Variants in ABCC11 observed in about 807,000 individuals in gnomAD.
ABCC11 encodes ATP-binding cassette sub-family C member 11.
ABCC11 carries 135 observed loss-of-function variants against 149.3 expected under a neutral mutation model. That is an observed-to-expected ratio of 0.90 (90% CI 0.79 to 1.04). ABCC11 has a LOEUF of 1.04. Ranked by LOEUF, ABCC11 falls within the 50% of genes least tolerant of loss-of-function variation. The pLI, the probability that ABCC11 is intolerant of heterozygous loss-of-function variation, is 0.00. For missense variants in ABCC11, 1,680 were observed against 1,722.1 expected (o/e 0.98, Z 0.43); for synonymous variants, 665 against 671.4 (o/e 0.99, Z 0.15).
In ABCC11 at chr16:48,187,082, T is replaced by C; in HGVS notation, c.2942A>G (p.Lys981Arg). ...VICFIYYMMF[K>R]KAIGVFKRLE... ...TCTCTTGAACACACCGATGGCCTTC[T>C]TGAACATCCTGCATGGACAGTGGAG... Residue 981 changes from lysine to arginine, a missense_variant, in exon 22 of 30, where the codon AAG becomes AGG. Lys to Arg is a conservative substitution (Grantham distance 26). Transcript: ENST00000356608. 1.2e-6 allele frequency: 2 copies of C among 1,614,220 alleles called. No individual in the cohort carries two copies. The highest frequency in any genetic ancestry group is 8.5e-7 in the Non-Finnish European group (1 of 1,180,034).
intron 1 of ABCC11, chr16:48,244,540 C>T: frequency 6.4e-7 from 1 of 1,563,908 alleles, no homozygotes. Flanking sequence ...AAGGGCACGT[C>T]GCTGCAAAGC....
At chr16:48,169,842 C>T (rs1403377663) in intron 28 of ABCC11, among the ~76,000 whole-genome samples, 3 of 151,800 alleles carry the variant, frequency 2.0e-5, no homozygotes, top group Non-Finnish European at 2.9e-5. Context: ...GTGCAGCACA[C>T]CAACATGGCA....
chr16:48,212,939 G>A (rs1161111460), intron 10 of ABCC11, among the ~76,000 whole-genome samples: 5 of 152,110 alleles, frequency 3.3e-5, no homozygotes, highest in Admixed American at 3.3e-4. Context: ...GGTGCAATAG[G>A]GTATGGTAGA....
At chr16:48,187,738 C>T (rs1221647698) in intron 20 of ABCC11, among the ~76,000 whole-genome samples, 2 of 152,122 alleles carry the variant, frequency 1.3e-5, no homozygotes, top group Non-Finnish European at 2.9e-5. Context: ...ATATACTAAA[C>T]ACTGAAGTGT....
chr16:48,226,448 T>C (rs1441492868), intron 4 of ABCC11, among the ~76,000 whole-genome samples: 1 of 152,018 alleles, frequency 6.6e-6, no homozygotes, highest in Non-Finnish European at 1.5e-5. Flanking sequence ...GGCTAATTTT[T>C]TTGTGTTTTT....
chr16:48,174,247 C>T (rs1489560372), intron 26 of ABCC11, among the ~76,000 whole-genome samples: 1 of 152,208 alleles, frequency 6.6e-6, no homozygotes, highest in Non-Finnish European at 1.5e-5. Flanking sequence ...AATGTACATT[C>T]ATTAAACTGG....
chr16:48,203,199 C>G, intron 14 of ABCC11, 29 bp downstream of exon 14: 1 of 1,543,916 alleles, frequency 6.5e-7, no homozygotes, highest in Non-Finnish European at 8.8e-7. Flanking sequence ...CAACATTACA[C>G]AGAGAAGGCA....
intron 8 of ABCC11, 63 bp downstream of exon 8, chr16:48,215,134 T>A (rs920938171): frequency 6.3e-7 from 1 of 1,589,172 alleles, no homozygotes; most frequent in African/African-American, 1.4e-5. Flanking sequence ...CCTCAAGAGG[T>A]GAGAGGGGCT....
At chr16:48,200,609 C>T (rs1485334007) in intron 14 of ABCC11, 130 bp from the exon 15 acceptor site, 15 of 940,350 alleles carry the variant, frequency 1.6e-5, no homozygotes, top group Non-Finnish European at 2.3e-5. Flanking sequence ...TCCAGGATAC[C>T]TGATAATTTG....
At position 48,184,683 on chromosome 16, in the gene ABCC11, G is replaced by A. The variant is rs951768204; in HGVS notation, c.3072-57C>T. ...TGTTTGTCTGACCTAGGGTCTCCCC[G>A]GGTCAGGGTAGATACCGGCTGCTTC... On this transcript the variant is annotated intron_variant, in intron 22 of 29. Transcript: ENST00000356608. The A allele has an allele frequency of 3.0e-5, 46 of 1,543,560 alleles. No homozygotes were observed. The African/African-American group carries it at 3.7e-4, about 12-fold the overall frequency.
intron 16 of ABCC11, 30 bp from the exon 17 acceptor site, chr16:48,198,097 C>T (rs774993109): frequency 1.5e-5 from 24 of 1,614,162 alleles, no homozygotes; most frequent in East Asian, 6.7e-5. Flanking sequence ...CCTGAGTACA[C>T]GTGCGTCCAC....
At chr16:48,173,453 T>C (rs769484331) in intron 26 of ABCC11, among the ~76,000 whole-genome samples, 1 of 152,206 alleles carries the variant, frequency 6.6e-6, no homozygotes, top group Non-Finnish European at 1.5e-5. Flanking sequence ...TTAGGCAGTA[T>C]ACTAAAGCAT....
intron 13 of ABCC11, among the ~76,000 whole-genome samples, chr16:48,204,756 T>C (rs1016396144): frequency 1.3e-5 from 2 of 152,174 alleles, no homozygotes; most frequent in East Asian, 3.9e-4. Flanking sequence ...GAGTCCACCA[T>C]AGTTGGAAGC....
intron 1 of ABCC11, among the ~76,000 whole-genome samples, chr16:48,241,062 G>A (rs1291631708): frequency 1.3e-5 from 2 of 152,126 alleles, no homozygotes; most frequent in East Asian, 1.9e-4. Flanking sequence ...AGCCTCCCAA[G>A]TAGCTGGGAT....
At chr16:48,209,711 G>C (rs1229443252) in intron 11 of ABCC11, 1 of 152,200 alleles carries the variant, frequency 6.6e-6, no homozygotes, top group Non-Finnish European at 1.5e-5. Context: ...AGTGGGGCGA[G>C]AGATACAAAC....
At chr16:48,206,121 C>A (rs1968428259) in intron 12 of ABCC11, among the ~76,000 whole-genome samples, 1 of 152,150 alleles carries the variant, frequency 6.6e-6, no homozygotes, top group South Asian at 2.1e-4. Flanking sequence ...TTGTCCCAGC[C>A]CCATTCCCTG....
At position 48,214,956 on chromosome 16, in the gene ABCC11, G is replaced by A. The variant is rs769454239; in HGVS notation, c.1173C>T (p.Phe391=). Residue 391 remains phenylalanine (F), a synonymous_variant, in exon 9 of 30, where the codon TTC becomes TTT. Transcript: ENST00000356608. ...LVQSLTSITL[F]IIPTVATAVW... ...CCGCTGTGGCCACTGTGGGGATGATGAACAAGGTTATACTTGTCAGGCTCT... is the reference window on the plus strand; with the variant it reads ...CCGCTGTGGCCACTGTGGGGATGATAAACAAGGTTATACTTGTCAGGCTCT... 2 of 1,614,128 alleles carry A rather than the reference G, an allele frequency of 1.2e-6. No individual in the cohort carries two copies. Among genetic ancestry groups the A allele is most frequent in the Admixed American group, 3.3e-5 (2 of 60,016 alleles).
chr16:48,211,169 A>G lies in ABCC11; in HGVS notation c.1387T>C (p.Tyr463His), dbSNP rs747220779. Reference sequence around the variant, plus strand: ...CTGGGGTCTTGTAATGTCTGGACATAGAAAACAGGGCTCTCCTGGAGGAAA... The same window carrying G: ...CTGGGGTCTTGTAATGTCTGGACATGGAAAACAGGGCTCTCCTGGAGGAAA... ...KFFLQESPVF[Y>H]VQTLQDPSKA... Residue 463 changes from tyrosine (Y) to histidine (H), a missense_variant, in exon 11 of 30, where the codon TAT becomes CAT. By Grantham distance (83) the Tyr-to-His change is moderately conservative. Coordinates refer to ENST00000356608, the MANE Select transcript of ABCC11 (RefSeq NM_001370497.1). 7 of 1,614,124 alleles carry G rather than the reference A, an allele frequency of 4.3e-6. No individual in the cohort carries two copies. In the South Asian group the frequency reaches 7.7e-5, roughly 18 times the overall value.
At chr16:48,193,178 T>A (rs1273981070) in intron 19 of ABCC11, among the ~76,000 whole-genome samples, 1 of 152,200 alleles carries the variant, frequency 6.6e-6, no homozygotes, top group Non-Finnish European at 1.5e-5. Flanking sequence ...TCAGTTCAGC[T>A]GAGATCCCTG....
Sources: gnomAD v4.1 joint callset for allele counts (sites outside exome capture counted in the v4.1 genomes callset) on GRCh38, gnomAD v4.1.1 for gene constraint, MANE v1.5 for transcripts, NCBI Gene and HGNC (gene_info 2026-07-23, HGNC 2026-07-21) for gene names.